ATP10B: variants seen among roughly 807,000 people sequenced by gnomAD.
ATP10B encodes the protein ATPase phospholipid transporting 10B (putative).
In ATP10B, 122 loss-of-function variants were observed where a neutral mutation model predicts 141.2. The ratio of observed to expected loss-of-function variants is 0.86; its 90% CI spans 0.75 to 1.00. The LOEUF (loss-of-function observed/expected upper bound fraction) is 1.00. Among genes scored for constraint, ATP10B ranks in the 50% least tolerant of loss-of-function variants. The pLI is 0.00. For missense variants in ATP10B, 1,876 were observed against 1,825.3 expected, an observed-to-expected ratio of 1.03 and a Z score of -0.51; for synonymous variants, 685 against 692.0, an observed-to-expected ratio of 0.99 and a Z score of 0.16.
rs1771100692 is a variant in ATP10B at position 160,785,770 on chromosome 5, A to G, written c.-542T>C. 1 of 995,302 alleles carries G rather than the reference A, an allele frequency of 1.0e-6. No individual in the cohort carries two copies. Among genetic ancestry groups the G allele is most frequent in the Middle Eastern group, 3.1e-4 (1 of 3,278 alleles). The allele number at this position is 995,302 out of a possible 1,614,324, so 61.7% of individuals were successfully genotyped here. A position where few individuals can be genotyped will look rare whatever the true frequency, so the allele number is the denominator to read the frequency against. On this transcript the variant is annotated 5_prime_UTR_variant, in exon 2 of 26. Coordinates refer to ENST00000327245, the MANE Select transcript of ATP10B (RefSeq NM_025153.3). ...TGTTGCTTTCATTGAAACAAATGTCACCAGTCGGTTCTGATTCTCTTGTCA... is the reference window on the plus strand; with the variant it reads ...TGTTGCTTTCATTGAAACAAATGTCGCCAGTCGGTTCTGATTCTCTTGTCA...
chr5:160,736,048 A>G (rs1767093161), intron 2 of ATP10B, among the ~76,000 whole-genome samples: 1 of 152,192 alleles, frequency 6.6e-6, no homozygotes, highest in East Asian at 1.9e-4. Flanking sequence ...AACTTCAAGT[A>G]AACAATCTAA....
intron 2 of ATP10B, among the ~76,000 whole-genome samples, chr5:160,744,072 A>G (rs4921158): frequency 0.26 from 39,222 of 152,098 alleles, 5,226 homozygotes; most frequent in East Asian, 0.48. Flanking sequence ...TTTATCAGTG[A>G]AGTATTGAAA....
the ATP10B span, among the ~76,000 whole-genome samples, chr5:160,873,768 G>A: frequency 3.3e-5 from 5 of 152,254 alleles, no homozygotes; most frequent in Non-Finnish European, 7.3e-5. Flanking sequence ...AAAGAAAGGG[G>A]TGACAGACGG....
intron 7 of ATP10B, among the ~76,000 whole-genome samples, chr5:160,658,167 A>G (rs527242752): frequency 6.6e-6 from 1 of 152,346 alleles, no homozygotes; most frequent in Admixed American, 6.5e-5. Flanking sequence ...ATCCTAGTAC[A>G]GTGTCTGGCA....
At chr5:160,787,402 C>T (rs936337969) in intron 1 of ATP10B, among the ~76,000 whole-genome samples, 8 of 152,098 alleles carry the variant, frequency 5.3e-5, no homozygotes, top group Non-Finnish European at 1.2e-4. Flanking sequence ...CCTAACCTTC[C>T]TACAACCTGT....
chr5:160,565,309 G>A lies in ATP10B; in HGVS notation c.*144C>T. 1 of 844,928 alleles carries A rather than the reference G, an allele frequency of 1.2e-6. No homozygotes were observed. The highest frequency in any genetic ancestry group is 1.8e-6 in the Non-Finnish European group (1 of 545,082). The allele number at this position is 844,928 out of a possible 1,614,324, so 52.3% of individuals were successfully genotyped here. Reference sequence around the variant, plus strand: ...CTTTGTGTCAGACCCCTTGGGGCCAGCACTTCCTCCATGGAAGTCAAGGTT... The same window carrying A: ...CTTTGTGTCAGACCCCTTGGGGCCAACACTTCCTCCATGGAAGTCAAGGTT... On this transcript the variant is annotated 3_prime_UTR_variant, in exon 26 of 26. Coordinates refer to ENST00000327245, the MANE Select transcript of ATP10B (RefSeq NM_025153.3).
chr5:160,872,854 G>A, the ATP10B span, among the ~76,000 whole-genome samples: 24 of 152,120 alleles, frequency 1.6e-4, no homozygotes, highest in East Asian at 1.7e-3. Context: ...TTGACTATGC[G>A]GTCTTTTGTT....
intron 9 of ATP10B, among the ~76,000 whole-genome samples, chr5:160,643,419 T>C (rs1486764474): frequency 6.6e-6 from 1 of 152,206 alleles, no homozygotes; most frequent in East Asian, 1.9e-4. Context: ...GGCTGAAGTC[T>C]TCAGGTGTTC....
chr5:160,622,734 A>G, intron 13 of ATP10B, 149 bp from the exon 14 acceptor site: 3 of 700,286 alleles, frequency 4.3e-6, no homozygotes, highest in Non-Finnish European at 6.9e-6. Flanking sequence ...GCCATTGCCA[A>G]TTCTTATTTG....
intron 2 of ATP10B, among the ~76,000 whole-genome samples, chr5:160,775,502 A>G (rs1042898555): frequency 6.6e-6 from 1 of 152,094 alleles, no homozygotes. Context: ...TTGGATATGG[A>G]CTACAGCACT....
intron 2 of ATP10B, among the ~76,000 whole-genome samples, chr5:160,736,290 G>A (rs558718307): frequency 6.6e-6 from 1 of 152,296 alleles, no homozygotes; most frequent in Non-Finnish European, 1.5e-5. Flanking sequence ...CATTACAACT[G>A]TTACAGAAAT....
chr5:160,720,470 C>T (rs1490074315), intron 2 of ATP10B, among the ~76,000 whole-genome samples: 1 of 152,216 alleles, frequency 6.6e-6, no homozygotes, highest in African/African-American at 2.4e-5. Flanking sequence ...GCTCCAGGGT[C>T]CTCTGGACTG....
At chr5:160,604,660 C>T (rs374073220) in intron 19 of ATP10B, among the ~76,000 whole-genome samples, 1 of 152,196 alleles carries the variant, frequency 6.6e-6, no homozygotes, top group African/African-American at 2.4e-5. Context: ...ACTGAGTTTC[C>T]ATTCAATGAA....
chr5:160,633,377 G>T (rs1228867489), intron 12 of ATP10B: 2 of 152,362 alleles, frequency 1.3e-5, no homozygotes, highest in East Asian at 3.9e-4. Context: ...ATATTATGCA[G>T]CCATAAAAAA....
At chr5:160,820,445 T>C (rs1774012678) in intron 1 of ATP10B, among the ~76,000 whole-genome samples, 1 of 152,092 alleles carries the variant, frequency 6.6e-6, no homozygotes, top group Non-Finnish European at 1.5e-5. Context: ...GCTTCACTGC[T>C]GAGTTCTACC....
chr5:160,739,418 G>A (rs1767323716), intron 2 of ATP10B, among the ~76,000 whole-genome samples: 1 of 152,130 alleles, frequency 6.6e-6, no homozygotes, highest in Non-Finnish European at 1.5e-5. Context: ...GATAACATAT[G>A]CTAGAAAATC....
Position 160,565,847 on chromosome 5 carries a change from G to A in ATP10B, c.3992C>T (p.Ala1331Val). Residue 1331 changes from alanine to valine, a missense_variant, in exon 26 of 26, where the codon GCT becomes GTT. By Grantham distance (64) the Ala-to-Val change is moderately conservative (BLOSUM62 0). Coordinates refer to ENST00000327245, the MANE Select transcript of ATP10B (RefSeq NM_025153.3). The stretch of plus-strand genomic sequence containing the variant: ...TGGGGGGAGTTTGTCAATTTTCTGA[G>A]CTTTTGAGATTAGAGACTTCCCACA... Reference protein sequence around the residue: ...GTCGKSLISKAQKIDKLPPDK... With the variant: ...GTCGKSLISKVQKIDKLPPDK... The A allele has an allele frequency of 1.2e-6, 2 of 1,613,870 alleles. No individual in the cohort carries two copies. The highest frequency in any genetic ancestry group is 1.7e-6 in the Non-Finnish European group (2 of 1,179,928).
the ATP10B span, among the ~76,000 whole-genome samples, chr5:160,873,499 A>G: frequency 5.5e-3 from 838 of 152,364 alleles, 8 homozygotes; most frequent in African/African-American, 0.019. Flanking sequence ...ATCTTTAAGA[A>G]TAGACAAAAA....
chr5:160,774,775 C>T (rs535406657), intron 2 of ATP10B, among the ~76,000 whole-genome samples: 2 of 152,278 alleles, frequency 1.3e-5, no homozygotes, highest in Non-Finnish European at 2.9e-5. Context: ...GCTCCAGCTG[C>T]GTCTGGCTTT....
Sources: gnomAD v4.1 joint callset for allele counts (sites outside exome capture counted in the v4.1 genomes callset) on GRCh38, gnomAD v4.1.1 for gene constraint, MANE v1.5 for transcripts, NCBI Gene and HGNC (gene_info 2026-07-23, HGNC 2026-07-21) for gene names.